MRM3: variants seen among roughly 807,000 people sequenced by gnomAD.
MRM3 encodes mitochondrial rRNA methyltransferase 3, also known as rRNA methyltransferase 3, mitochondrial.
A neutral mutation model predicts 29.4 loss-of-function variants in MRM3; 26 were observed. The ratio of observed to expected loss-of-function variants is 0.89; its 90% CI spans 0.65 to 1.23. The LOEUF (loss-of-function observed/expected upper bound fraction) is 1.23. Ranked by LOEUF, MRM3 falls within the 50% of genes most tolerant of loss-of-function variation. MRM3 has a pLI of 0.00. For missense variants in MRM3, 578 were observed against 540.2 expected, an observed-to-expected ratio of 1.07 and a Z score of -0.69; for synonymous variants, 225 against 219.0, an observed-to-expected ratio of 1.03 and a Z score of -0.24.
chr17:783,206 T>C lies in MRM3; in HGVS notation c.438T>C (p.Phe146=). 6.2e-7 allele frequency: 1 copy of C among 1,614,190 alleles called. No homozygotes were observed. Reference sequence around the variant, plus strand: ...GAGCTGTGCCAAAAATGTTCTTCTTTAGCCGTCTAGAATACCTAAAGGAGT... The same window carrying C: ...GAGCTGTGCCAAAAATGTTCTTCTTCAGCCGTCTAGAATACCTAAAGGAGT... ...KAGAVPKMFF[F]SRLEYLKELP... Residue 146 remains phenylalanine, a synonymous_variant, in exon 2 of 4, where the codon TTT becomes TTC. Transcript: ENST00000304478.
In MRM3 at chr17:782,696, A is replaced by C; in HGVS notation, c.314+4A>C. ...ATCCCGGGGACAGGAGGCTGAGGTG[A>C]TGTGGTTCTTGAGCCTGTCGAATGT... On this transcript the variant is annotated splice_donor_region_variant and intron_variant, in intron 1 of 3. Transcript: ENST00000304478. 1 of 1,594,320 alleles carries C rather than the reference A, an allele frequency of 6.3e-7. No individual in the cohort carries two copies. Among genetic ancestry groups the C allele is most frequent in the Non-Finnish European group, 8.6e-7 (1 of 1,166,020 alleles).
chr17:783,181 G>C lies in MRM3; in HGVS notation c.413G>C (p.Gly138Ala). 6.2e-7 allele frequency: 1 copy of C among 1,614,094 alleles called. No homozygotes were observed. Among genetic ancestry groups the C allele is most frequent in the Non-Finnish European group, 8.5e-7 (1 of 1,180,022 alleles). ...RRLISDALKA[G>A]AVPKMFFFSR... ...CTCATTTCAGACGCTCTCAAGGCTGGAGCTGTGCCAAAAATGTTCTTCTTT... is the reference window on the plus strand; with the variant it reads ...CTCATTTCAGACGCTCTCAAGGCTGCAGCTGTGCCAAAAATGTTCTTCTTT... The change falls in exon 2 of 4, where the codon GGA (glycine) becomes GCA (alanine). Residue 138 changes from glycine (G) to alanine (A), a missense_variant. Gly to Ala is a moderately conservative substitution (Grantham distance 60). Coordinates refer to ENST00000304478, the MANE Select transcript of MRM3 (RefSeq NM_018146.4).
intron 1 of MRM3, 73 bp from the exon 2 acceptor site, chr17:783,001 TTTATTTCTG>T: frequency 6.6e-7 from 1 of 1,521,740 alleles, no homozygotes; most frequent in East Asian, 2.3e-5. Flanking sequence ...TCCGTAGCTC[TTTATTTCTG>T]TTACAACTAA....
chr17:790,997 C>T (rs972980386), intron 3 of MRM3, among the ~76,000 whole-genome samples: 16 of 151,626 alleles, frequency 1.1e-4, no homozygotes, highest in Admixed American at 9.9e-4. Flanking sequence ...ACCTCCTGTG[C>T]CGCCACAGCG....
In MRM3 at chr17:787,886, A is replaced by G; in HGVS notation, c.560-79A>G. On this transcript the variant is annotated intron_variant, in intron 2 of 3. Coordinates refer to ENST00000304478, the MANE Select transcript of MRM3 (RefSeq NM_018146.4). This position sits in a 1 kb window ranked among gnomAD's most constrained non-coding sequence, Gnocchi z 4.1. ...TTTTTATGTAACTAAGACCATATCAAGATTGATAAGTAAATGAAAAGTCAG... is the reference window on the plus strand; with the variant it reads ...TTTTTATGTAACTAAGACCATATCAGGATTGATAAGTAAATGAAAAGTCAG... 1.5e-6 allele frequency: 2 copies of G among 1,374,078 alleles called. No individual in the cohort carries two copies. Among genetic ancestry groups the G allele is most frequent in the Non-Finnish European group, 2.1e-6 (2 of 966,798 alleles). The allele number at this position is 1,374,078 out of a possible 1,614,324, so 85.1% of individuals were successfully genotyped here.
rs1419079035 is a variant in MRM3, at chr17:792,369, C to G, written c.*300C>G. ...CTTTGTGCCCAGAAAGTTCCTGAAGCATCATCCTGGCAGGGAGGCGCCTGC... is the reference window on the plus strand; with the variant it reads ...CTTTGTGCCCAGAAAGTTCCTGAAGGATCATCCTGGCAGGGAGGCGCCTGC... On this transcript the variant is annotated 3_prime_UTR_variant, in exon 4 of 4. Transcript: ENST00000304478. 9.5e-6 allele frequency: 3 copies of G among 315,626 alleles called. No homozygotes were observed. Among genetic ancestry groups the G allele is most frequent in the Non-Finnish European group, 1.8e-5 (3 of 170,868 alleles). The allele number at this position is 315,626 out of a possible 1,614,324, so 19.6% of individuals were successfully genotyped here.
chr17:782,974 C>T (rs1173379418), intron 1 of MRM3, 109 bp from the exon 2 acceptor site: 3 of 1,461,514 alleles, frequency 2.1e-6, no homozygotes, highest in Non-Finnish European at 2.7e-6. Flanking sequence ...AGGCGTGAGC[C>T]ACCGCGCCCG....
rs183868139 is a variant in MRM3 at position 788,983 on chromosome 17, C to T, written c.727+851C>T. Among the ~76,000 whole-genome samples the T allele has an allele frequency of 9.1e-4, 138 of 152,190 alleles. 2 individuals carry two copies. Among genetic ancestry groups the T allele is most frequent in the African/African-American group, 3.3e-3 (135 of 41,536 alleles). On this transcript the variant is annotated intron_variant, in intron 3 of 3. Transcript: ENST00000304478. ...GAGTAATTCAGTCAATGTTGATTCTCTTTTTTAAAAATTATGTTTTTTGTA... is the reference window on the plus strand; with the variant it reads ...GAGTAATTCAGTCAATGTTGATTCTTTTTTTTAAAAATTATGTTTTTTGTA...
At chr17:788,472 CTTTTTTTTTTTT>C (rs56865712) in intron 3 of MRM3, among the ~76,000 whole-genome samples, 1 of 121,030 alleles carries the variant, frequency 8.3e-6, no homozygotes, top group Non-Finnish European at 1.7e-5. Context: ...TTGGTCTGGT[CTTTTTTTTTTTT>C]TTTTTTTTTA....
chr17:782,566 C>T lies in MRM3; in HGVS notation c.188C>T (p.Ser63Phe), dbSNP rs371520977. ...GGGAAGCAGCCCCGCAAGGCACCAT[C>T]TGAGGCCAGTGCCCAGGAGCAACGA... ...APGKQPRKAPSEASAQEQREK... is the reference protein window; with the variant it reads ...APGKQPRKAPFEASAQEQREK... Residue 63 changes from serine to phenylalanine, a missense_variant, in exon 1 of 4, where the codon TCT (serine) becomes TTT (phenylalanine). Ser to Phe is a radical substitution (Grantham distance 155). Transcript: ENST00000304478. 169 of 1,613,988 alleles carry T rather than the reference C, an allele frequency of 1.0e-4. No individual in the cohort carries two copies. The highest frequency in any genetic ancestry group is 1.3e-4 in the Admixed American group (8 of 60,012).
chr17:789,439 C>T (rs867422000), intron 3 of MRM3, among the ~76,000 whole-genome samples: 1 of 152,202 alleles, frequency 6.6e-6, no homozygotes, highest in South Asian at 2.1e-4. Flanking sequence ...CTCTTCTCAT[C>T]AGAAATAGGG....
rs1396816919 is a variant in MRM3, at chr17:790,499, GCCCCAGCGCTGATTGAC to G, written c.728-1033_728-1017del. 3 of 194,214 alleles carry G rather than the reference GCCCCAGCGCTGATTGAC, an allele frequency of 1.5e-5. No homozygotes were observed. In the East Asian group the frequency reaches 5.6e-4, roughly 36 times the overall value. The allele number at this position is 194,214 out of a possible 1,614,324, so 12.0% of individuals were successfully genotyped here. The stretch of plus-strand genomic sequence containing the variant: ...ACCTCCCACCTCCTGTGCCACTACA[GCCCCAGCGCTGATTGAC>G]CGGCTCACTGCCTGTGCCACCACAC... On this transcript the variant is annotated intron_variant, in intron 3 of 3. Coordinates refer to ENST00000304478, the MANE Select transcript of MRM3 (RefSeq NM_018146.4).
chr17:791,490 G>T, intron 3 of MRM3, 44 bp from the exon 4 acceptor site: 1 of 1,580,530 alleles, frequency 6.3e-7, no homozygotes, highest in South Asian at 1.2e-5. Flanking sequence ...CCCCTGGTCT[G>T]GGAAGATTTG....
chr17:783,412 C>G, intron 2 of MRM3, 85 bp downstream of exon 2: 1 of 1,336,406 alleles, frequency 7.5e-7, no homozygotes. Flanking sequence ...TCTCGGCCCA[C>G]TGCAACCTCC....
Position 791,693 on chromosome 17 carries a change from C to T in MRM3, c.887C>T (p.Ala296Val). ...GACAACTGTGGCCTTTATGCCCAGGCTGAGATGTCTAATAAAGCTAGTGAC... is the reference window on the plus strand; with the variant it reads ...GACAACTGTGGCCTTTATGCCCAGGTTGAGATGTCTAATAAAGCTAGTGAC... The part of the protein sequence containing the change: ...VADNCGLYAQ[A>V]EMSNKASDHG... Residue 296 changes from alanine (A) to valine (V), a missense_variant, in exon 4 of 4, where the codon GCT becomes GTT. Transcript: ENST00000304478. 6.2e-7 allele frequency: 1 copy of T among 1,614,192 alleles called. No homozygotes were observed. Among genetic ancestry groups the T allele is most frequent in the Non-Finnish European group, 8.5e-7 (1 of 1,180,028 alleles).
chr17:791,931 C>G lies in MRM3; in HGVS notation c.1125C>G (p.Gly375=). The G allele has an allele frequency of 1.2e-6, 2 of 1,614,050 alleles. No individual in the cohort carries two copies. Among genetic ancestry groups the G allele is most frequent in the Non-Finnish European group, 1.7e-6 (2 of 1,180,036 alleles). The change falls in exon 4 of 4, where the codon GGC becomes GGG. Residue 375 remains glycine (G), a synonymous_variant. Coordinates refer to ENST00000304478, the MANE Select transcript of MRM3 (RefSeq NM_018146.4). The part of the protein sequence containing the change: ...ESLQLAESTG[G]KRLLIPVVPG... ...TGCAGCTGGCCGAGAGCACTGGTGG[C>G]AAGAGGCTGCTGATCCCCGTTGTGC...
At chr17:785,099 G>A (rs1182049635) in intron 2 of MRM3, among the ~76,000 whole-genome samples, 1 of 152,120 alleles carries the variant, frequency 6.6e-6, no homozygotes, top group African/African-American at 2.4e-5. Flanking sequence ...TCCCTTGGGA[G>A]CAGACTACAA....
Position 788,157 on chromosome 17 carries a change from A to G in MRM3, c.727+25A>G, listed in dbSNP as rs748422641. Reference sequence around the variant, plus strand: ...GGTAAGGACATCAAAGGCCAGGCATAGTGGCTCACACTCGTAATCCAGCCC... The same window carrying G: ...GGTAAGGACATCAAAGGCCAGGCATGGTGGCTCACACTCGTAATCCAGCCC... On this transcript the variant is annotated intron_variant, in intron 3 of 3. Transcript: ENST00000304478. 8.1e-6 allele frequency: 13 copies of G among 1,612,326 alleles called. No homozygotes were observed. The East Asian group carries it at 1.3e-4, about 17-fold the overall frequency.
chr17:784,239 G>C (rs763535807), intron 2 of MRM3, among the ~76,000 whole-genome samples: 1 of 152,208 alleles, frequency 6.6e-6, no homozygotes, highest in Non-Finnish European at 1.5e-5. Flanking sequence ...GCTGAGAGAG[G>C]AGATTCTGGG....
Sources: allele counts gnomAD v4.1 joint callset (sites outside exome capture counted in the v4.1 genomes callset), GRCh38; gene constraint gnomAD v4.1.1; non-coding constraint Gnocchi (gnomAD v3.1); transcripts MANE v1.5; gene names NCBI Gene and HGNC (gene_info 2026-07-23, HGNC 2026-07-21).